PPP2R2B: variants seen among roughly 807,000 people sequenced by gnomAD.
The protein encoded by PPP2R2B is serine/threonine-protein phosphatase 2A 55 kDa regulatory subunit B beta isoform.
PPP2R2B carries 5 observed loss-of-function variants against 46.0 expected under a neutral mutation model. The ratio of observed to expected loss-of-function variants is 0.11; its 90% CI spans 0.06 to 0.23. The LOEUF (loss-of-function observed/expected upper bound fraction) is 0.23. Ranked by LOEUF, PPP2R2B falls within the 10% of genes least tolerant of loss-of-function variation. The probability of loss-of-function intolerance (pLI) is 1.00; values close to 1 mark genes in which losing one functional copy is unlikely to be tolerated. For missense variants in PPP2R2B, 367 were observed against 575.0 expected (o/e 0.64, Z 3.70); for synonymous variants, 215 against 206.7 (o/e 1.04, Z -0.34).
At chr5:146,912,924 T>A (rs1204305324) in intron 1 of PPP2R2B, among the ~76,000 whole-genome samples, 1 of 152,194 alleles carries the variant, frequency 6.6e-6, no homozygotes, top group Non-Finnish European at 1.5e-5. Flanking sequence ...TCCAAGCTCT[T>A]CTGGGGATTA....
intron 7 of PPP2R2B, among the ~76,000 whole-genome samples, chr5:146,633,376 G>A (rs1468761738): frequency 1.3e-5 from 2 of 152,128 alleles, no homozygotes; most frequent in Admixed American, 6.5e-5. Context: ...CACACACCTC[G>A]GCTGAACTGC....
intron 2 of PPP2R2B, among the ~76,000 whole-genome samples, chr5:146,727,596 A>G (rs1157895196): frequency 6.6e-6 from 1 of 152,148 alleles, no homozygotes; most frequent in African/African-American, 2.4e-5. Context: ...AGATAGGTGC[A>G]GTAACAGCCC....
Position 146,589,646 on chromosome 5 carries a change from C to A in PPP2R2B, c.*301G>T. 2.9e-6 allele frequency: 1 copy of A among 342,606 alleles called. No homozygotes were observed. Among genetic ancestry groups the A allele is most frequent in the Non-Finnish European group, 5.3e-6 (1 of 187,338 alleles). The allele number at this position is 342,606 out of a possible 1,614,324, so 21.2% of individuals were successfully genotyped here. On this transcript the variant is annotated 3_prime_UTR_variant, in exon 10 of 10. Transcript: ENST00000394411. Reference sequence around the variant, plus strand: ...TCGCAGCAGACACCTAGGAACAAAACACTGGACCCACCAGAGAAAACTGGG... The same window carrying A: ...TCGCAGCAGACACCTAGGAACAAAAAACTGGACCCACCAGAGAAAACTGGG...
intron 2 of PPP2R2B, among the ~76,000 whole-genome samples, chr5:146,829,158 G>A (rs1377312181): frequency 3.3e-5 from 5 of 152,116 alleles, no homozygotes; most frequent in Non-Finnish European, 7.3e-5. Flanking sequence ...AGGGTGACAT[G>A]ACCACCATAT....
chr5:146,695,080 T>A (rs976018507), intron 4 of PPP2R2B, among the ~76,000 whole-genome samples: 3 of 152,214 alleles, frequency 2.0e-5, no homozygotes, highest in African/African-American at 7.2e-5. Flanking sequence ...GTCATTATGA[T>A]ATTTTAGAAT....
intron 1 of PPP2R2B, among the ~76,000 whole-genome samples, chr5:146,998,908 A>G (rs1490091700): frequency 1.3e-5 from 2 of 151,648 alleles, no homozygotes; most frequent in African/African-American, 4.8e-5. Flanking sequence ...TTCAAAGGTA[A>G]CAGGAGTAGA....
In PPP2R2B at chr5:146,812,814, T is replaced by C. The variant is rs542527707; in HGVS notation, c.70+65188A>G. 2.2e-3 allele frequency among the ~76,000 whole-genome samples: 158 copies of C among 71,128 alleles called. 23 individuals are homozygous for C. Among genetic ancestry groups the C allele is most frequent in the African/African-American group, 8.5e-3 (153 of 17,914 alleles). The allele number at this position is 71,128 out of a possible 152,430, so 46.7% of individuals were successfully genotyped here. On this transcript the variant is annotated intron_variant, in intron 2 of 9. Coordinates refer to ENST00000394411, the MANE Select transcript of PPP2R2B (RefSeq NM_181675.4). ...GTGTGTATATATATATATATATATA[T>C]ATATATATATATATACACACACATT...
At position 146,625,510 on chromosome 5, in the gene PPP2R2B, G is replaced by GA. The variant is rs548857877; in HGVS notation, c.790+12740dup. ...TGTCCTAAATGCTGAGGGGGTTTGAGAAAAGAGTCTAGCCATAATAATGGT... is the reference window on the plus strand; with the variant it reads ...TGTCCTAAATGCTGAGGGGGTTTGAGAAAAAGAGTCTAGCCATAATAATGGT... On this transcript the variant is annotated intron_variant, in intron 7 of 9. Transcript: ENST00000394411. Among the ~76,000 whole-genome samples the GA allele has an allele frequency of 3.2e-3, 489 of 152,266 alleles. 4 individuals carry two copies. Among genetic ancestry groups the GA allele is most frequent in the African/African-American group, 0.011 (469 of 41,552 alleles).
chr5:147,055,771 T>TA (rs1444450514), exon 1 of PPP2R2B: 7 of 1,582,284 alleles, frequency 4.4e-6, no homozygotes, highest in Admixed American at 3.5e-5. Flanking sequence ...AAAATCTAAA[T>TA]AAAAAAACAG....
intron 2 of PPP2R2B, among the ~76,000 whole-genome samples, chr5:146,802,912 T>A (rs1333989300): frequency 6.6e-6 from 1 of 152,198 alleles, no homozygotes; most frequent in Non-Finnish European, 1.5e-5. Flanking sequence ...AACCTGGCTA[T>A]TAGAACTAAG....
chr5:146,831,639 A>G (rs1303804234), intron 2 of PPP2R2B, among the ~76,000 whole-genome samples: 1 of 151,890 alleles, frequency 6.6e-6, no homozygotes, highest in African/African-American at 2.4e-5. Flanking sequence ...AAAAAGCATC[A>G]GGTTAGCCAG....
At chr5:146,678,605 C>A (rs1440353836) in intron 5 of PPP2R2B, among the ~76,000 whole-genome samples, 1 of 140,154 alleles carries the variant, frequency 7.1e-6, no homozygotes, top group South Asian at 2.3e-4. Flanking sequence ...GTCAAATTGT[C>A]CCTGTTTGCA....
At chr5:146,930,289 A>G (rs775483776) in intron 1 of PPP2R2B, among the ~76,000 whole-genome samples, 1 of 152,174 alleles carries the variant, frequency 6.6e-6, no homozygotes, top group Non-Finnish European at 1.5e-5. Flanking sequence ...ACAAGGACAG[A>G]TGTGTCAAGG....
intron 2 of PPP2R2B, among the ~76,000 whole-genome samples, chr5:146,779,855 T>C (rs1327849297): frequency 6.6e-6 from 1 of 152,170 alleles, no homozygotes; most frequent in Non-Finnish European, 1.5e-5. Context: ...ATACATAGTA[T>C]AATTTCCTGG....
At chr5:146,854,750 C>T (rs1413496523) in intron 2 of PPP2R2B, among the ~76,000 whole-genome samples, 4 of 152,130 alleles carry the variant, frequency 2.6e-5, no homozygotes, top group African/African-American at 9.7e-5. Context: ...ATATAGTCAC[C>T]AACCCTCCAA....
intron 1 of PPP2R2B, among the ~76,000 whole-genome samples, chr5:147,003,315 C>T (rs1754276605): frequency 6.6e-6 from 1 of 152,050 alleles, no homozygotes; most frequent in Non-Finnish European, 1.5e-5. Context: ...CAAAAAAACC[C>T]CCGGGCTATA....
At chr5:147,073,526 C>T (rs915390772) in intron 2 of PPP2R2B, among the ~76,000 whole-genome samples, 3 of 152,220 alleles carry the variant, frequency 2.0e-5, no homozygotes, top group Admixed American at 2.0e-4. Flanking sequence ...GAGATCTCCA[C>T]TTCTTTTTCA....
intron 1 of PPP2R2B, among the ~76,000 whole-genome samples, chr5:146,982,023 G>T (rs1346000150): frequency 6.6e-6 from 1 of 152,056 alleles, no homozygotes; most frequent in African/African-American, 2.4e-5. Context: ...GACAAATCAA[G>T]GAAAACTAAA....
upstream of PPP2R2B, among the ~76,000 whole-genome samples, chr5:146,879,543 A>G (rs1037468444): frequency 1.3e-5 from 2 of 152,198 alleles, no homozygotes; most frequent in Non-Finnish European, 2.9e-5. Context: ...CAGAAACATA[A>G]GCATAAGAGC....
Sources: allele counts gnomAD v4.1 joint callset (sites outside exome capture counted in the v4.1 genomes callset), GRCh38; gene constraint gnomAD v4.1.1; transcripts MANE v1.5; gene names NCBI Gene and HGNC (gene_info 2026-07-23, HGNC 2026-07-21).